ANKRD11: variants seen among roughly 807,000 people sequenced by gnomAD.
ANKRD11 encodes ankyrin repeat domain-containing protein 11.
In ANKRD11, 17 loss-of-function variants were observed where a neutral mutation model predicts 195.7. The ratio of observed to expected loss-of-function variants is 0.09; its 90% CI spans 0.06 to 0.13. The LOEUF is 0.13. Among genes scored for constraint, ANKRD11 ranks in the 10% least tolerant of loss-of-function variants. The probability of loss-of-function intolerance (pLI) is 1.00; values close to 1 mark genes in which losing one functional copy is unlikely to be tolerated. For missense variants in ANKRD11, 3,735 were observed against 3,566.1 expected (o/e 1.05, Z -1.21); for synonymous variants, 1,953 against 1,528.1 (o/e 1.28, Z -6.49).
chr16:89,347,689 C>G (rs1224753815), intron 2 of ANKRD11, among the ~76,000 whole-genome samples: 1 of 150,968 alleles, frequency 6.6e-6, no homozygotes, highest in African/African-American at 2.4e-5. Flanking sequence ...ATCGGTTTTT[C>G]CTAATTTTCT....
At chr16:89,477,923 A>G (rs1853510444) in intron 1 of ANKRD11, among the ~76,000 whole-genome samples, 1 of 152,128 alleles carries the variant, frequency 6.6e-6, no homozygotes, top group Non-Finnish European at 1.5e-5. Flanking sequence ...ACGCCACTGC[A>G]CTCCAGTCTG....
intron 2 of ANKRD11, among the ~76,000 whole-genome samples, chr16:89,415,450 G>C (rs1293378531): frequency 6.7e-6 from 1 of 150,000 alleles, no homozygotes; most frequent in Admixed American, 6.6e-5. Context: ...ATTTTTAGTA[G>C]AGACGGGGTT....
At chr16:89,409,174 T>G (rs2042022389) in intron 2 of ANKRD11, among the ~76,000 whole-genome samples, 1 of 152,098 alleles carries the variant, frequency 6.6e-6, no homozygotes. Context: ...AAGCCGACGG[T>G]CTGAGGAAAT....
intron 1 of ANKRD11, among the ~76,000 whole-genome samples, chr16:89,425,443 T>C (rs527594718): frequency 6.6e-6 from 1 of 152,292 alleles, no homozygotes; most frequent in Admixed American, 6.5e-5. Context: ...AGACCTACCA[T>C]CCAGCCTCAT....
intron 4 of ANKRD11, chr16:89,300,786 C>T (rs1339937200): frequency 1.5e-6 from 1 of 684,682 alleles, no homozygotes; most frequent in African/African-American, 1.8e-5. Flanking sequence ...AGAGAGCACA[C>T]CCCAGGCACC....
At chr16:89,294,414 C>A (rs546405588) in intron 4 of ANKRD11, among the ~76,000 whole-genome samples, 1 of 152,220 alleles carries the variant, frequency 6.6e-6, no homozygotes, top group African/African-American at 2.4e-5. Flanking sequence ...CAATATGAAA[C>A]CAGATCTCCC....
At chr16:89,408,778 C>T (rs963307459) in intron 2 of ANKRD11, among the ~76,000 whole-genome samples, 1 of 152,154 alleles carries the variant, frequency 6.6e-6, no homozygotes, top group Non-Finnish European at 1.5e-5. Flanking sequence ...AACCCTACTT[C>T]CTAAACATCT....
In ANKRD11 at chr16:89,285,662, G is replaced by C; in HGVS notation, c.893-13C>G. On this transcript the variant is annotated splice_polypyrimidine_tract_variant and intron_variant, in intron 8 of 12. Transcript: ENST00000301030. This position sits in a 1 kb window ranked among gnomAD's most constrained non-coding sequence, Gnocchi z 5.6. ...TCTTCTGAGCTCTCTGTTGGAGGTA[G>C]GAAGCGAGAGGTCACAGGCAGGCTC... The C allele has an allele frequency of 6.2e-7, 1 of 1,613,908 alleles. No homozygotes were observed. Among genetic ancestry groups the C allele is most frequent in the Non-Finnish European group, 8.5e-7 (1 of 1,179,756 alleles).
chr16:89,423,615 C>G (rs553155664), intron 1 of ANKRD11, among the ~76,000 whole-genome samples: 1 of 152,306 alleles, frequency 6.6e-6, no homozygotes, highest in East Asian at 1.9e-4. Context: ...AGCACCTGAC[C>G]CAACTCAACT....
intron 2 of ANKRD11, among the ~76,000 whole-genome samples, chr16:89,322,681 G>T (rs994702532): frequency 6.6e-6 from 1 of 152,220 alleles, no homozygotes; most frequent in Non-Finnish European, 1.5e-5. Flanking sequence ...CACTGGGGAG[G>T]GTGGGGAAGG....
At chr16:89,337,542 T>G (rs377468814) in intron 2 of ANKRD11, among the ~76,000 whole-genome samples, 11 of 141,566 alleles carry the variant, frequency 7.8e-5, no homozygotes, top group African/African-American at 2.9e-4. Context: ...GTTCACGCCA[T>G]TCTCCTGCCT....
Position 89,283,502 on chromosome 16 carries a change from C to T in ANKRD11, c.3040G>A (p.Gly1014Ser). Residue 1014 changes from glycine (G) to serine (S), a missense_variant, in exon 9 of 13, where the codon GGC (glycine) becomes AGC (serine). Physicochemically the swap from Gly to Ser is moderately conservative, Grantham distance 56. Transcript: ENST00000301030. This position sits in a 1 kb window ranked among gnomAD's most constrained non-coding sequence, Gnocchi z 4.3. ...HPAREKEKKDGPDKERKEKTK... is the reference protein window; with the variant it reads ...HPAREKEKKDSPDKERKEKTK... ...TTCTCCTTCCTTTCCTTATCGGGGC[C>T]ATCCTTCTTCTCCTTCTCTCGTGCT... 1 of 1,613,968 alleles carries T rather than the reference C, an allele frequency of 6.2e-7. No homozygotes were observed. The highest frequency in any genetic ancestry group is 8.5e-7 in the Non-Finnish European group (1 of 1,180,048).
At position 89,284,358 on chromosome 16, in the gene ANKRD11, G is replaced by A; in HGVS notation, c.2184C>T (p.Ile728=). 6.2e-7 allele frequency: 1 copy of A among 1,613,810 alleles called. No individual in the cohort carries two copies. The highest frequency in any genetic ancestry group is 8.5e-7 in the Non-Finnish European group (1 of 1,179,996). The part of the protein sequence containing the change: ...LKRIKDTNKD[I]SRSFREEKDR... ...CTTTCTCTTCTCGGAAAGACCTGCT[G>A]ATGTCTTTGTTTGTGTCTTTGATTC... Residue 728 remains isoleucine, a synonymous_variant, in exon 9 of 13, where the codon ATC becomes ATT. Transcript: ENST00000301030.
intron 1 of ANKRD11, among the ~76,000 whole-genome samples, chr16:89,488,516 G>A (rs891085737): frequency 5.4e-5 from 8 of 149,204 alleles, no homozygotes; most frequent in African/African-American, 2.0e-4. Context: ...TTCTCTAACA[G>A]AACTCGAAGT....
intron 2 of ANKRD11, among the ~76,000 whole-genome samples, chr16:89,337,728 C>G (rs1395295552): frequency 6.6e-6 from 1 of 152,200 alleles, no homozygotes; most frequent in African/African-American, 2.4e-5. Flanking sequence ...GCGTAAGCCA[C>G]TGTGCCCGGC....
intron 2 of ANKRD11, among the ~76,000 whole-genome samples, chr16:89,389,968 G>A (rs1334199856): frequency 2.6e-3 from 109 of 42,630 alleles, no homozygotes; most frequent in Admixed American, 2.8e-3. Context: ...TCACTGGGGC[G>A]AACACCGAGT....
chr16:89,443,804 C>A (rs1358402427), intron 1 of ANKRD11, among the ~76,000 whole-genome samples: 6 of 152,162 alleles, frequency 3.9e-5, no homozygotes, highest in Non-Finnish European at 8.8e-5. Flanking sequence ...CATTAAGAAA[C>A]AGATCTGCAC....
intron 2 of ANKRD11, chr16:89,339,918 G>T (rs758022414): frequency 2.0e-5 from 3 of 152,168 alleles, no homozygotes; most frequent in South Asian, 4.1e-4. Context: ...TGCAGGTAAC[G>T]CATTGGACGG....
chr16:89,300,778 A>C (rs991978413), intron 4 of ANKRD11: 4 of 669,630 alleles, frequency 6.0e-6, no homozygotes, highest in Non-Finnish European at 1.1e-5. Context: ...AGCACTGCAG[A>C]GAGCACACCC....
Sources: gnomAD v4.1 joint callset for allele counts (sites outside exome capture counted in the v4.1 genomes callset) on GRCh38, gnomAD v4.1.1 for gene constraint, Gnocchi (gnomAD v3.1) non-coding constraint, MANE v1.5 for transcripts, NCBI Gene and HGNC (gene_info 2026-07-23, HGNC 2026-07-21) for gene names.